TMEM232: variants seen among roughly 807,000 people sequenced by gnomAD.
The protein encoded by TMEM232 is transmembrane protein 232.
In TMEM232, 80 loss-of-function variants were observed where a neutral mutation model predicts 78.8. The ratio of observed to expected loss-of-function variants is 1.01; its 90% CI spans 0.85 to 1.22. The LOEUF is 1.22. Ranked by LOEUF, TMEM232 falls within the 50% of genes most tolerant of loss-of-function variation. TMEM232 has a pLI of 0.00. For missense variants in TMEM232, 881 were observed against 742.2 expected (o/e 1.19, Z -2.17); for synonymous variants, 297 against 254.3 (o/e 1.17, Z -1.60).
chr5:110,556,335 T>C (rs997852390), intron 11 of TMEM232, among the ~76,000 whole-genome samples: 1 of 142,058 alleles, frequency 7.0e-6, no homozygotes, highest in Non-Finnish European at 1.6e-5. Flanking sequence ...TTCCTCCCTT[T>C]CCTTCCTCCC....
intron 12 of TMEM232, among the ~76,000 whole-genome samples, chr5:110,499,601 AAG>A (rs1765999125): frequency 6.7e-6 from 1 of 148,456 alleles, no homozygotes; most frequent in Non-Finnish European, 1.5e-5. Flanking sequence ...GTGAAAGGAA[AAG>A]AGAGGGGAAA....
At chr5:110,532,879 T>C (rs113802265) in intron 11 of TMEM232, among the ~76,000 whole-genome samples, 22,616 of 152,118 alleles carry the variant, frequency 0.15, 4,298 homozygotes, top group African/African-American at 0.45. Flanking sequence ...TATCACTCGC[T>C]TGCTACAGCA....
At chr5:110,450,174 C>T (rs1760111561) in intron 12 of TMEM232, among the ~76,000 whole-genome samples, 2 of 152,144 alleles carry the variant, frequency 1.3e-5, no homozygotes, top group Admixed American at 1.3e-4. Context: ...GGCCTCACAG[C>T]CATACTTCCT....
intron 11 of TMEM232, among the ~76,000 whole-genome samples, chr5:110,531,234 C>T (rs980141057): frequency 6.6e-6 from 1 of 152,212 alleles, no homozygotes; most frequent in Non-Finnish European, 1.5e-5. Context: ...CCTTCACTGA[C>T]TCTCTTTTTA....
intron 12 of TMEM232, among the ~76,000 whole-genome samples, chr5:110,490,192 A>AGAAG (rs879275196): frequency 1.9e-4 from 28 of 150,618 alleles, no homozygotes; most frequent in Non-Finnish European, 3.0e-4. Flanking sequence ...AAAGAAAGAA[A>AGAAG]AAGTTAATTG....
chr5:110,625,495 T>C lies in TMEM232; in HGVS notation c.602-62A>G, dbSNP rs1333301087. ...TTAATATTTTGCACTGTGTTTCATT[T>C]GTCTTTTAGCTATTAAACTATAATT... On this transcript the variant is annotated intron_variant, in intron 6 of 13. Transcript: ENST00000455884. The C allele has an allele frequency of 5.1e-6, 7 of 1,377,474 alleles. No individual in the cohort carries two copies. The African/African-American group carries it at 1.0e-4, about 20-fold the overall frequency. The allele number at this position is 1,377,474 out of a possible 1,614,324, so 85.3% of individuals were successfully genotyped here.
chr5:110,530,441 A>G (rs1157661143), intron 11 of TMEM232, among the ~76,000 whole-genome samples: 1 of 152,228 alleles, frequency 6.6e-6, no homozygotes, highest in Non-Finnish European at 1.5e-5. Flanking sequence ...TTATTGCAAC[A>G]TTACTCTCAA....
chr5:110,577,851 CAT>C lies in TMEM232; in HGVS notation c.1277-9228_1277-9227del, dbSNP rs1777740228. Among the ~76,000 whole-genome samples, 10 of 151,886 alleles carry C rather than the reference CAT, an allele frequency of 6.6e-5. No homozygotes were observed. The South Asian group carries it at 1.9e-3, about 28-fold the overall frequency. On this transcript the variant is annotated intron_variant, in intron 10 of 13. Coordinates refer to ENST00000455884, the MANE Select transcript of TMEM232 (RefSeq NM_001039763.4). ...CACATGGAGACACAGAGAGGAACAACATACACTGGGGCCTTTTTGGAGGGTGG... is the reference window on the plus strand; with the variant it reads ...CACATGGAGACACAGAGAGGAACAACACACTGGGGCCTTTTTGGAGGGTGG...
chr5:110,564,513 C>T (rs1379213629), intron 11 of TMEM232, among the ~76,000 whole-genome samples: 3 of 151,878 alleles, frequency 2.0e-5, no homozygotes, highest in Non-Finnish European at 4.4e-5. Context: ...TGCAGATTTG[C>T]AACATACTGT....
At chr5:110,587,663 G>GTATATATATATATATA (rs377139293) in intron 10 of TMEM232, among the ~76,000 whole-genome samples, 1 of 96,262 alleles carries the variant, frequency 1.0e-5, no homozygotes, top group African/African-American at 4.1e-5. Context: ...GTACATGTAT[G>GTATATATATATATATA]TATATATATA....
intron 13 of TMEM232, among the ~76,000 whole-genome samples, chr5:110,424,035 A>C (rs1756976059): frequency 6.6e-6 from 1 of 152,162 alleles, no homozygotes; most frequent in Non-Finnish European, 1.5e-5. Context: ...CAGTCTCCAA[A>C]GCCCAATACT....
At chr5:110,416,104 T>C (rs1167624764), downstream of TMEM232, among the ~76,000 whole-genome samples, 1 of 152,234 alleles carries the variant, frequency 6.6e-6, no homozygotes, top group East Asian at 1.9e-4. Flanking sequence ...ACTATACAAA[T>C]ATATAAATGT....
chr5:110,642,540 G>A (rs1252862038), intron 2 of TMEM232, among the ~76,000 whole-genome samples, 169 bp from the exon 3 acceptor site: 1 of 151,978 alleles, frequency 6.6e-6, no homozygotes, highest in Non-Finnish European at 1.5e-5. Flanking sequence ...AAGCCTCCTG[G>A]ACTGATCCTG....
chr5:110,413,093 T>A (rs1047349665), intron 2 of TMEM232, among the ~76,000 whole-genome samples: 1 of 152,080 alleles, frequency 6.6e-6, no homozygotes, highest in East Asian at 1.9e-4. Context: ...CAAAGGAGAT[T>A]AACATTTGAG....
chr5:110,460,394 T>C (rs1192028503), intron 12 of TMEM232, among the ~76,000 whole-genome samples: 1 of 152,062 alleles, frequency 6.6e-6, no homozygotes, highest in African/African-American at 2.4e-5. Context: ...GAAAAGGGTA[T>C]ATGGATGCTC....
chr5:110,689,451 C>A (rs1165262810), intron 1 of TMEM232, among the ~76,000 whole-genome samples: 1 of 151,996 alleles, frequency 6.6e-6, no homozygotes, highest in Non-Finnish European at 1.5e-5. Flanking sequence ...ACACAAAACA[C>A]TAATATTCAA....
intron 1 of TMEM232, among the ~76,000 whole-genome samples, chr5:110,698,390 C>T (rs572272443): frequency 3.9e-5 from 6 of 151,976 alleles, no homozygotes; most frequent in Admixed American, 3.3e-4. Context: ...ATATATGTAA[C>T]GAACCTGCAC....
chr5:110,597,639 C>A (rs7726387), intron 10 of TMEM232, among the ~76,000 whole-genome samples: 3,956 of 151,704 alleles, frequency 0.026, 172 homozygotes, highest in African/African-American at 0.09. Context: ...GTAACCAAAA[C>A]AGCATGGTAC....
chr5:110,620,589 C>G (rs887812443), intron 7 of TMEM232, among the ~76,000 whole-genome samples: 1 of 47,874 alleles, frequency 2.1e-5, no homozygotes, highest in East Asian at 4.9e-4. Flanking sequence ...CTCTCTCTCT[C>G]TCTCTCTCTC....
Sources: allele counts gnomAD v4.1 joint callset (sites outside exome capture counted in the v4.1 genomes callset), GRCh38; gene constraint gnomAD v4.1.1; transcripts MANE v1.5; gene names NCBI Gene and HGNC (gene_info 2026-07-23, HGNC 2026-07-21).